TANC2: variants seen among roughly 807,000 people sequenced by gnomAD.
The protein encoded by TANC2 is protein TANC2.
In TANC2, 26 loss-of-function variants were observed where a neutral mutation model predicts 210.5. The ratio of observed to expected loss-of-function variants is 0.12; its 90% CI spans 0.09 to 0.17. The LOEUF is 0.17. TANC2 is among the 10% of genes least tolerant of loss of function. The pLI is 1.00. For missense variants in TANC2, 2,129 were observed against 2,608.9 expected (o/e 0.82, Z 4.01); for synonymous variants, 931 against 967.1 (o/e 0.96, Z 0.69).
At chr17:63,171,681 A>G (rs2040409915) in intron 5 of TANC2, among the ~76,000 whole-genome samples, 1 of 152,202 alleles carries the variant, frequency 6.6e-6, no homozygotes, top group Non-Finnish European at 1.5e-5. Context: ...TATCTGATGA[A>G]TGTTATCTGA....
intron 7 of TANC2, among the ~76,000 whole-genome samples, chr17:63,207,270 C>T (rs1395431806): frequency 8.0e-5 from 10 of 125,310 alleles, no homozygotes; most frequent in African/African-American, 1.9e-4. Context: ...GGCTGGAGTG[C>T]GGTTGCGCAG....
intron 14 of TANC2, among the ~76,000 whole-genome samples, chr17:63,374,423 C>G (rs2047365614): frequency 6.6e-6 from 1 of 152,116 alleles, no homozygotes; most frequent in Non-Finnish European, 1.5e-5. Flanking sequence ...TACCTAGACT[C>G]TGTTGAGGAT....
intron 7 of TANC2, among the ~76,000 whole-genome samples, chr17:63,223,654 G>A (rs2042253143): frequency 6.6e-6 from 1 of 151,982 alleles, no homozygotes; most frequent in Admixed American, 6.6e-5. Flanking sequence ...AGGAGTTCCT[G>A]AAACCATAGA....
intron 5 of TANC2, among the ~76,000 whole-genome samples, chr17:63,159,722 A>T (rs748766875): frequency 1.3e-5 from 2 of 152,208 alleles, no homozygotes; most frequent in Non-Finnish European, 2.9e-5. Flanking sequence ...TATACGTAGG[A>T]TATATGCAAA....
At chr17:63,260,630 A>C (rs1449352972) in intron 8 of TANC2, among the ~76,000 whole-genome samples, 1 of 152,054 alleles carries the variant, frequency 6.6e-6, no homozygotes, top group Non-Finnish European at 1.5e-5. Flanking sequence ...ACAAAAAATT[A>C]GCCAGGAGTG....
intron 9 of TANC2, among the ~76,000 whole-genome samples, chr17:63,305,102 AC>A (rs917028394): frequency 4.0e-5 from 6 of 151,864 alleles, no homozygotes; most frequent in African/African-American, 1.5e-4. Flanking sequence ...GCTGGTCACC[AC>A]CCCCGCTACC....
At position 63,267,839 on chromosome 17, in the gene TANC2, C is replaced by G. The variant is rs2043576950; in HGVS notation, c.1125C>G (p.Ser375Arg). 1.2e-6 allele frequency: 2 copies of G among 1,612,874 alleles called. No individual in the cohort carries two copies. The highest frequency in any genetic ancestry group is 2.7e-5 in the African/African-American group (2 of 74,986). ...CTTCTCTACGAATGCCAAGACAGAG[C>G]ATGGGTGGTGCTCGCACACAGCAGG... The change falls in exon 9 of 28, where the codon AGC becomes AGG. Residue 375 changes from serine to arginine, a missense_variant. This residue lies in a region of TANC2 where 739 missense variants were observed against 848.0 expected (regional missense o/e 0.87). Coordinates refer to ENST00000689528, the Ensembl canonical transcript of TANC2.
intron 4 of TANC2, among the ~76,000 whole-genome samples, chr17:63,139,079 C>G (rs2039193856): frequency 6.6e-6 from 1 of 152,214 alleles, no homozygotes. Context: ...GATTATCTAT[C>G]TCATCAAATG....
intron 8 of TANC2, among the ~76,000 whole-genome samples, chr17:63,263,353 A>G (rs534827186): frequency 4.6e-5 from 7 of 152,348 alleles, no homozygotes; most frequent in Admixed American, 3.3e-4. Flanking sequence ...AGAGATCTAG[A>G]GCAGACAGGA....
intron 9 of TANC2, among the ~76,000 whole-genome samples, chr17:63,273,085 C>A (rs1038357563): frequency 1.3e-5 from 2 of 152,060 alleles, no homozygotes; most frequent in African/African-American, 4.8e-5. Context: ...TCAAGACCAG[C>A]CTAGGCAACA....
intron 3 of TANC2, among the ~76,000 whole-genome samples, chr17:63,077,238 A>AT (rs1386280862): frequency 6.6e-6 from 1 of 152,164 alleles, no homozygotes; most frequent in Non-Finnish European, 1.5e-5. Flanking sequence ...AAGGAAAATA[A>AT]TTTTCAATCT....
At chr17:63,396,077 A>G in intron 18 of TANC2, 149 bp downstream of exon 18, 1 of 729,098 alleles carries the variant, frequency 1.4e-6, no homozygotes, top group Non-Finnish European at 2.2e-6. Context: ...ATTAAACTCC[A>G]TGAAGCACTT....
chr17:63,187,458 G>A (rs2041029813), intron 5 of TANC2, among the ~76,000 whole-genome samples: 2 of 151,952 alleles, frequency 1.3e-5, no homozygotes, highest in African/African-American at 4.8e-5. Context: ...TTGGTTAATG[G>A]TATACTTAAT....
At chr17:63,011,274 A>G (rs759845145) in intron 2 of TANC2, among the ~76,000 whole-genome samples, 1 of 151,808 alleles carries the variant, frequency 6.6e-6, no homozygotes, top group Non-Finnish European at 1.5e-5. Flanking sequence ...CTTCTTATTG[A>G]ATTCTAGCTT....
At chr17:63,194,941 C>T (rs535267819) in intron 6 of TANC2, among the ~76,000 whole-genome samples, 160 of 151,956 alleles carry the variant, frequency 1.1e-3, no homozygotes, top group Admixed American at 3.5e-3. Context: ...TAATCTTCAG[C>T]GTGAATGTCT....
intron 1 of TANC2, among the ~76,000 whole-genome samples, chr17:62,976,569 A>G (rs1390612485): frequency 6.6e-6 from 1 of 151,978 alleles, no homozygotes; most frequent in Non-Finnish European, 1.5e-5. Flanking sequence ...TCAGTTAACT[A>G]TTTAGAATCT....
intron 7 of TANC2, among the ~76,000 whole-genome samples, chr17:63,227,351 C>T (rs1218786823): frequency 6.6e-6 from 1 of 152,098 alleles, no homozygotes; most frequent in Admixed American, 6.6e-5. Context: ...CTCTAATGAT[C>T]AATGATGTTG....
intron 4 of TANC2, among the ~76,000 whole-genome samples, chr17:63,106,504 A>T (rs1278629901): frequency 6.6e-6 from 1 of 151,588 alleles, no homozygotes; most frequent in East Asian, 1.9e-4. Context: ...AGCCATGTTG[A>T]CCAGATTATC....
intron 2 of TANC2, among the ~76,000 whole-genome samples, chr17:63,066,313 G>A (rs949286692): frequency 2.6e-5 from 4 of 152,066 alleles, no homozygotes; most frequent in African/African-American, 7.2e-5. Context: ...ATGGCCTGGC[G>A]GTGAGATAGG....
Sources: allele counts gnomAD v4.1 joint callset (sites outside exome capture counted in the v4.1 genomes callset), GRCh38; gene constraint gnomAD v4.1.1; regional missense constraint gnomAD v4.1.1; transcripts MANE v1.5; gene names NCBI Gene and HGNC (gene_info 2026-07-23, HGNC 2026-07-21).